NRXN3: variants seen among roughly 807,000 people sequenced by gnomAD.
NRXN3 encodes the protein neurexin 3, also known as neurexin III.
Under a neutral mutation model 137.6 loss-of-function variants are expected in NRXN3, and 32 were observed. That is an observed-to-expected ratio of 0.23 (90% CI 0.18 to 0.31). The LOEUF (loss-of-function observed/expected upper bound fraction) is 0.31, where lower values mean the gene tolerates loss of function less well. Among genes scored for constraint, NRXN3 ranks in the 10% least tolerant of loss-of-function variants. The probability of loss-of-function intolerance (pLI) is 1.00; values close to 1 mark genes in which losing one functional copy is unlikely to be tolerated. For synonymous variants in NRXN3, 798 were observed against 784.5 expected (o/e 1.02, Z -0.29); for missense variants, 1,574 against 2,062.5 (o/e 0.76, Z 4.59).
chr14:78,680,707 G>C (rs148573092), intron 6 of NRXN3, among the ~76,000 whole-genome samples: 10 of 152,222 alleles, frequency 6.6e-5, no homozygotes, highest in Non-Finnish European at 1.5e-4. Flanking sequence ...AGTTTTTGTA[G>C]TTTTTGTCTG....
At chr14:78,717,042 T>C (rs1387001019) in intron 8 of NRXN3, among the ~76,000 whole-genome samples, 1 of 152,192 alleles carries the variant, frequency 6.6e-6, no homozygotes, top group Non-Finnish European at 1.5e-5. Context: ...GTCTCTGAGA[T>C]GCGTGAGACA....
rs186763997 is a variant in NRXN3 at position 78,946,956 on chromosome 14, G to A, written c.2276-10286G>A. ...ATGTCTTGCAAGTTTTATTTTTGTGGGGACTATAAGGATATGATATTTCCA... is the reference window on the plus strand; with the variant it reads ...ATGTCTTGCAAGTTTTATTTTTGTGAGGACTATAAGGATATGATATTTCCA... On this transcript the variant is annotated intron_variant, in intron 10 of 20. Transcript: ENST00000335750. 3.9e-5 allele frequency among the ~76,000 whole-genome samples: 6 copies of A among 152,078 alleles called. No homozygotes were observed. The East Asian group carries it at 1.2e-3, about 29-fold the overall frequency.
At chr14:78,253,000 G>A (rs7159066) in intron 2 of NRXN3, among the ~76,000 whole-genome samples, 2,276 of 152,244 alleles carry the variant, frequency 0.015, 33 homozygotes, top group East Asian at 0.033. Flanking sequence ...TCCAGACGGG[G>A]CCCTGTATCT....
rs36106336 is a variant in NRXN3, at chr14:78,685,629, C to CT, written c.1222-23568dup. Among the ~76,000 whole-genome samples the CT allele has an allele frequency of 9.9e-3, 797 of 80,180 alleles. 32 individuals carry two copies. The East Asian group carries it at 0.18, about 18-fold the overall frequency. The allele number at this position is 80,180 out of a possible 152,430, so 52.6% of individuals were successfully genotyped here. ...TTTCCAAAGCTCTGAAGAAATGTCA[C>CT]TTTTTTTTTTTTTTTTTTTTGAGAT... is the stretch of plus-strand genomic sequence containing the variant. On this transcript the variant is annotated intron_variant, in intron 6 of 20. Transcript: ENST00000335750.
intron 1 of NRXN3, among the ~76,000 whole-genome samples, chr14:78,240,398 T>A (rs2066926775): frequency 6.6e-6 from 1 of 152,200 alleles, no homozygotes; most frequent in Non-Finnish European, 1.5e-5. Flanking sequence ...CCCTGGCTGG[T>A]CCCATGGAAC....
chr14:78,195,327 G>C (rs761117300), intron 1 of NRXN3, among the ~76,000 whole-genome samples: 1 of 152,076 alleles, frequency 6.6e-6, no homozygotes, highest in East Asian at 1.9e-4. Flanking sequence ...TCATTCGTTC[G>C]TTCGTTCATT....
At chr14:79,806,078 A>G (rs2099203865) in intron 20 of NRXN3, among the ~76,000 whole-genome samples, 1 of 152,222 alleles carries the variant, frequency 6.6e-6, no homozygotes. Context: ...GAGAACAGAT[A>G]TCATCGAATT....
At chr14:78,913,004 T>C (rs1032797091) in intron 10 of NRXN3, among the ~76,000 whole-genome samples, 2 of 152,090 alleles carry the variant, frequency 1.3e-5, no homozygotes, top group Non-Finnish European at 2.9e-5. Flanking sequence ...CCTAGATACC[T>C]AAGCTATAGC....
At chr14:79,132,763 T>G (rs1048132982) in intron 15 of NRXN3, among the ~76,000 whole-genome samples, 11 of 152,210 alleles carry the variant, frequency 7.2e-5, no homozygotes, top group Middle Eastern at 3.2e-3. Flanking sequence ...AGATTGAGTT[T>G]AGCATGCCAC....
chr14:79,508,863 T>C (rs1272745263), intron 16 of NRXN3, among the ~76,000 whole-genome samples: 2 of 152,096 alleles, frequency 1.3e-5, no homozygotes, highest in Non-Finnish European at 2.9e-5. Flanking sequence ...TCTAAAGAAA[T>C]AGTCCAAAAT....
intron 4 of NRXN3, among the ~76,000 whole-genome samples, chr14:78,410,394 T>A (rs900023991): frequency 2.0e-5 from 3 of 152,202 alleles, no homozygotes; most frequent in African/African-American, 2.4e-5. Context: ...TACCTATCAG[T>A]ATGTCTGCTC....
intron 4 of NRXN3, among the ~76,000 whole-genome samples, chr14:78,374,385 C>A (rs1451525908): frequency 6.6e-6 from 1 of 152,124 alleles, no homozygotes; most frequent in Non-Finnish European, 1.5e-5. Context: ...TTAAGTTATA[C>A]CTGGGAGTTT....
At chr14:78,992,203 C>T (rs2099520372) in intron 15 of NRXN3, among the ~76,000 whole-genome samples, 1 of 152,138 alleles carries the variant, frequency 6.6e-6, no homozygotes, top group South Asian at 2.1e-4. Context: ...TTTGATTCTG[C>T]AATCTAATCA....
chr14:78,734,552 G>A (rs889795774), intron 8 of NRXN3, among the ~76,000 whole-genome samples: 9 of 152,162 alleles, frequency 5.9e-5, no homozygotes, highest in Admixed American at 5.9e-4. Flanking sequence ...AGTGACAGGA[G>A]AAAGACATTT....
At chr14:79,159,263 G>T (rs1319294024) in intron 15 of NRXN3, among the ~76,000 whole-genome samples, 1 of 151,644 alleles carries the variant, frequency 6.6e-6, no homozygotes, top group African/African-American at 2.4e-5. Context: ...TAGAATCATA[G>T]TGATGAAGCC....
intron 3 of NRXN3, among the ~76,000 whole-genome samples, chr14:78,279,385 C>T (rs1235629068): frequency 6.6e-6 from 1 of 152,150 alleles, no homozygotes; most frequent in Non-Finnish European, 1.5e-5. Flanking sequence ...CTGATGCAGG[C>T]ATTTATGGAT....
At chr14:78,714,035 A>G (rs2098420839) in intron 7 of NRXN3, among the ~76,000 whole-genome samples, 1 of 152,354 alleles carries the variant, frequency 6.6e-6, no homozygotes, top group African/African-American at 2.4e-5. Flanking sequence ...GCCTAGAACT[A>G]TACCAGAGAC....
At chr14:78,720,715 A>G (rs1433011180) in intron 8 of NRXN3, among the ~76,000 whole-genome samples, 1 of 152,252 alleles carries the variant, frequency 6.6e-6, no homozygotes, top group Non-Finnish European at 1.5e-5. Flanking sequence ...AGCATGTAGT[A>G]TATGATTATG....
chr14:78,553,826 C>A (rs1455718299), intron 4 of NRXN3, among the ~76,000 whole-genome samples: 1 of 152,110 alleles, frequency 6.6e-6, no homozygotes, highest in Non-Finnish European at 1.5e-5. Flanking sequence ...CAAATAATCC[C>A]CTGTGTTAGT....
Sources: allele counts gnomAD v4.1 joint callset (sites outside exome capture counted in the v4.1 genomes callset), GRCh38; gene constraint gnomAD v4.1.1; transcripts MANE v1.5; gene names NCBI Gene and HGNC (gene_info 2026-07-23, HGNC 2026-07-21).